Variants in WDR26 observed in about 807,000 individuals in gnomAD.
WDR26 encodes the protein WD repeat domain 26.
WDR26 carries 5 observed loss-of-function variants against 84.1 expected under a neutral mutation model. That is an observed-to-expected ratio of 0.06 (90% CI 0.03 to 0.13). WDR26 has a LOEUF of 0.13. Among genes scored for constraint, WDR26 ranks in the 10% least tolerant of loss-of-function variants. The pLI, the probability that WDR26 is intolerant of heterozygous loss-of-function variation, is 1.00. For missense variants in WDR26, 642 were observed against 974.9 expected, an observed-to-expected ratio of 0.66 and a Z score of 4.55; for synonymous variants, 415 against 389.6, an observed-to-expected ratio of 1.07 and a Z score of -0.77.
intron 1 of WDR26, 77 bp downstream of exon 1, chr1:224,433,607 T>TCCCCC: frequency 1.6e-5 from 4 of 250,552 alleles, no homozygotes; most frequent in South Asian, 6.4e-5. Flanking sequence ...CCCTCCCCCC[T>TCCCCC]CCGCCCCTTC....
intron 7 of WDR26, among the ~76,000 whole-genome samples, chr1:224,408,825 G>A (rs16848097): frequency 6.6e-6 from 1 of 151,814 alleles, no homozygotes; most frequent in Non-Finnish European, 1.5e-5. Context: ...TTATTTCATT[G>A]AATTTTGTTT....
chr1:224,414,332 C>T (rs1359341288), intron 6 of WDR26, among the ~76,000 whole-genome samples: 1 of 152,072 alleles, frequency 6.6e-6, no homozygotes. Flanking sequence ...TCTCAAACTC[C>T]TGGGCTCAAG....
chr1:224,401,717 A>AAAGAAAAAAAT (rs1673428209), intron 8 of WDR26, among the ~76,000 whole-genome samples: 2 of 150,870 alleles, frequency 1.3e-5, no homozygotes, highest in South Asian at 4.2e-4. Flanking sequence ...AAGAAAAAAA[A>AAAGAAAAAAAT]AGAGAAAAAC....
intron 6 of WDR26, among the ~76,000 whole-genome samples, chr1:224,412,709 T>A (rs1673772630): frequency 6.6e-6 from 1 of 152,260 alleles, no homozygotes; most frequent in African/African-American, 2.4e-5. Context: ...ATACCTGTGT[T>A]ATCTAATATG....
chr1:224,407,173 A>ATATATATATATATATATAG (rs1558426297), intron 7 of WDR26, among the ~76,000 whole-genome samples: 1 of 81,488 alleles, frequency 1.2e-5, no homozygotes, highest in South Asian at 4.7e-4. Flanking sequence ...TATATATATA[A>ATATATATATATATATATAG]CTCAAAAACT....
At chr1:224,398,807 A>C in intron 10 of WDR26, 82 bp downstream of exon 10, 4 of 1,557,824 alleles carry the variant, frequency 2.6e-6, no homozygotes, top group Non-Finnish European at 3.5e-6. Context: ...GAAAAACATA[A>C]AAACTGTGAA....
At chr1:224,397,947 T>C in intron 12 of WDR26, 150 bp downstream of exon 12, 1 of 911,040 alleles carries the variant, frequency 1.1e-6, no homozygotes, top group Non-Finnish European at 1.6e-6. Context: ...GGGGCTTAGG[T>C]CATTACAGAG....
At chr1:224,414,802 A>C (rs1444120497) in intron 6 of WDR26, among the ~76,000 whole-genome samples, 2 of 123,220 alleles carry the variant, frequency 1.6e-5, no homozygotes, top group African/African-American at 5.2e-5. Context: ...CAACACAGTG[A>C]GCAACCCCAT....
intron 7 of WDR26, among the ~76,000 whole-genome samples, chr1:224,407,486 C>CATATATAT (rs35396542): frequency 7.0e-6 from 1 of 143,102 alleles, no homozygotes; most frequent in African/African-American, 2.6e-5. Context: ...TCAAAAAGGG[C>CATATATAT]ATATATATAT....
intron 12 of WDR26, among the ~76,000 whole-genome samples, chr1:224,394,597 C>G (rs1191312684): frequency 6.6e-6 from 1 of 151,702 alleles, no homozygotes; most frequent in Non-Finnish European, 1.5e-5. Flanking sequence ...CTCCACCTCC[C>G]GGGTTCAAGC....
In WDR26 at chr1:224,398,636, T is replaced by C. The variant is rs768670959; in HGVS notation, c.1866-43A>G. 2.6e-6 allele frequency: 4 copies of C among 1,509,900 alleles called. No homozygotes were observed. In the Admixed American group the frequency reaches 5.9e-5, roughly 22 times the overall value. The allele number at this position is 1,509,900 out of a possible 1,614,324, so 93.5% of individuals were successfully genotyped here. On this transcript the variant is annotated intron_variant, in intron 10 of 13. Transcript: ENST00000414423. Reference sequence around the variant, plus strand: ...TTTGTCAAAAACAACATATTAACAGTCAAGACATTCAAATTATCAATACAT... The same window carrying C: ...TTTGTCAAAAACAACATATTAACAGCCAAGACATTCAAATTATCAATACAT...
rs770629681 is a variant in WDR26 at position 224,404,536 on chromosome 1, T to C, written c.1493A>G (p.Glu498Gly). ...ATAAGAAACGCCATAAGCATGTCCT[T>C]CTAATGTTTTAAGCAGTTTTAGCAG... Residue 498 changes from glutamate (E) to glycine (G), a missense_variant, in exon 8 of 14, where the codon GAA (glutamate) becomes GGA (glycine). Coordinates refer to ENST00000414423, the MANE Select transcript of WDR26 (RefSeq NM_001379403.1). 1 of 1,613,744 alleles carries C rather than the reference T, an allele frequency of 6.2e-7. No individual in the cohort carries two copies. Among genetic ancestry groups the C allele is most frequent in the Non-Finnish European group, 8.5e-7 (1 of 1,179,784 alleles).
chr1:224,431,529 A>G lies in WDR26; in HGVS notation c.875T>C (p.Ile292Thr). The G allele has an allele frequency of 6.2e-7, 1 of 1,614,122 alleles. No individual in the cohort carries two copies. The highest frequency in any genetic ancestry group is 8.5e-7 in the Non-Finnish European group (1 of 1,179,984). The change falls in exon 3 of 14, where the codon ATT becomes ACT. Residue 292 changes from isoleucine (I) to threonine (T), a missense_variant. Transcript: ENST00000414423. ...GATTTCAAGTGCGCCTCTTACCACAATAGCATGAGGAGAATGCACTAAAGG... is the reference window on the plus strand; with the variant it reads ...GATTTCAAGTGCGCCTCTTACCACAGTAGCATGAGGAGAATGCACTAAAGG...
Position 224,407,151 on chromosome 1 carries a change from A to AAAAAAAGAATATATATATATAT in WDR26, c.1459-2582_1459-2581insATATATATATATATTCTTTTTT. 4.0e-3 allele frequency among the ~76,000 whole-genome samples: 48 copies of AAAAAAAGAATATATATATATAT among 11,880 alleles called. 6 individuals carry two copies. The highest frequency in any genetic ancestry group is 5.8e-3 in the Non-Finnish European group (41 of 7,122). 7.8% of individuals were successfully genotyped at this position (11,880 alleles called of 152,430 possible). ...AAAAAAAAAAAAAAAAAAAAAAAAA[A>AAAAAAAGAATATATATATATAT]ATATATATATATATATATATAACTC... On this transcript the variant is annotated intron_variant, in intron 7 of 13. Transcript: ENST00000414423.
At position 224,431,645 on chromosome 1, in the gene WDR26, T is replaced by C. The variant is rs1674396962; in HGVS notation, c.822+37A>G. 8 of 1,610,348 alleles carry C rather than the reference T, an allele frequency of 5.0e-6. No individual in the cohort carries two copies. In the East Asian group the frequency reaches 1.6e-4, roughly 31 times the overall value. On this transcript the variant is annotated intron_variant, in intron 2 of 13. Coordinates refer to ENST00000414423, the MANE Select transcript of WDR26 (RefSeq NM_001379403.1). ...AAAATGCACATCAAATCTGTAATTTTAGCAGCAGTCACACAGCTCTATATG... is the reference window on the plus strand; with the variant it reads ...AAAATGCACATCAAATCTGTAATTTCAGCAGCAGTCACACAGCTCTATATG...
At position 224,431,805 on chromosome 1, in the gene WDR26, A is replaced by AC. The variant is rs753318110; in HGVS notation, c.723-25dup. 4.9e-5 allele frequency: 77 copies of AC among 1,561,750 alleles called. No individual in the cohort carries two copies. The Admixed American group carries it at 1.3e-3, about 27-fold the overall frequency. On this transcript the variant is annotated intron_variant, in intron 1 of 13. Transcript: ENST00000414423. ...GGCTGCAGGAAAGATACAGTGTAAA[A>AC]CAGACCTGACCAATTTTAGGGTTTT...
rs1673062326 is a variant in WDR26, at chr1:224,389,351, A to G, written c.*484T>C. On this transcript the variant is annotated 3_prime_UTR_variant, in exon 14 of 14. Coordinates refer to ENST00000414423, the MANE Select transcript of WDR26 (RefSeq NM_001379403.1). ...AGCTGCAAAGATCTCAAGCTAAATA[A>G]GGCGGAAAGATTTGGAGAAACAAAA... 4.1e-6 allele frequency: 1 copy of G among 245,776 alleles called. No individual in the cohort carries two copies. Among genetic ancestry groups the G allele is most frequent in the Non-Finnish European group, 7.7e-6 (1 of 130,486 alleles). The allele number at this position is 245,776 out of a possible 1,614,324, so 15.2% of individuals were successfully genotyped here.
rs577685587 is a variant in WDR26 at position 224,411,253 on chromosome 1, G to C, written c.1458+174C>G. Among the ~76,000 whole-genome samples, 6 of 152,104 alleles carry C rather than the reference G, an allele frequency of 3.9e-5. No homozygotes were observed. In the East Asian group the frequency reaches 1.2e-3, roughly 29 times the overall value. The stretch of plus-strand genomic sequence containing the variant: ...TAGCACATAAACACTCAACAATGTT[G>C]ATAATATTAACTTACATATATTATC... On this transcript the variant is annotated intron_variant, in intron 7 of 13. Coordinates refer to ENST00000414423, the MANE Select transcript of WDR26 (RefSeq NM_001379403.1).
chr1:224,427,033 G>T (rs1674247812), intron 3 of WDR26, among the ~76,000 whole-genome samples: 1 of 147,280 alleles, frequency 6.8e-6, no homozygotes, highest in Admixed American at 6.8e-5. Flanking sequence ...AAACTGGAAG[G>T]TGGAGGTTGC....
Sources: allele counts gnomAD v4.1 joint callset (sites outside exome capture counted in the v4.1 genomes callset), GRCh38; gene constraint gnomAD v4.1.1; transcripts MANE v1.5; gene names NCBI Gene and HGNC (gene_info 2026-07-23, HGNC 2026-07-21).